Variants in TENM4 observed in about 807,000 individuals in gnomAD.
TENM4 encodes teneurin-4.
A neutral mutation model predicts 243.3 loss-of-function variants in TENM4; 82 were observed. The observed-to-expected ratio is 0.34, with a 90% confidence interval of 0.28 to 0.40. The LOEUF (loss-of-function observed/expected upper bound fraction) is 0.40, where lower values mean the gene tolerates loss of function less well. Among genes scored for constraint, TENM4 ranks in the 10% least tolerant of loss-of-function variants. The probability of loss-of-function intolerance (pLI) is 1.00; values close to 1 mark genes in which losing one functional copy is unlikely to be tolerated. For synonymous variants in TENM4, 1,412 were observed against 1,456.3 expected (o/e 0.97, Z 0.69); for missense variants, 3,138 against 3,673.3 (o/e 0.85, Z 3.77).
chr11:78,826,076 C>CTTTTTTT (rs59565048), intron 12 of TENM4, among the ~76,000 whole-genome samples: 5 of 115,406 alleles, frequency 4.3e-5, no homozygotes, highest in Non-Finnish European at 7.0e-5. Flanking sequence ...AATCCCCCTC[C>CTTTTTTT]TTTTTTTTTT....
Position 79,427,568 on chromosome 11 carries a change from T to C in TENM4, c.-321+12941A>G, listed in dbSNP as rs533649965. ...TTAGGATTTTACATAGAAACAATAC[T>C]GGAAAGAAAATCAAAAGGTTAGGAG... On this transcript the variant is annotated intron_variant, in intron 1 of 33. Coordinates refer to ENST00000278550, the MANE Select transcript of TENM4 (RefSeq NM_001098816.3). 1.1e-4 allele frequency among the ~76,000 whole-genome samples: 17 copies of C among 152,238 alleles called. No homozygotes were observed. In the East Asian group the frequency reaches 3.1e-3, roughly 28 times the overall value.
chr11:79,386,985 A>G (rs1014649649), intron 1 of TENM4, among the ~76,000 whole-genome samples: 2 of 152,158 alleles, frequency 1.3e-5, no homozygotes, highest in African/African-American at 2.4e-5. Flanking sequence ...ACAGCCCCAA[A>G]CTAGAAAGTA....
intron 3 of TENM4, among the ~76,000 whole-genome samples, chr11:79,189,857 C>T (rs977488252): frequency 6.6e-6 from 1 of 152,236 alleles, no homozygotes; most frequent in Non-Finnish European, 1.5e-5. Context: ...CCTGCGCAGC[C>T]TCCGTTGATG....
At chr11:79,056,998 A>G (rs763649264) in intron 6 of TENM4, among the ~76,000 whole-genome samples, 1 of 152,106 alleles carries the variant, frequency 6.6e-6, no homozygotes, top group Non-Finnish European at 1.5e-5. Context: ...AGGGAAGAGA[A>G]AGTTCTATCC....
intron 22 of TENM4, among the ~76,000 whole-genome samples, chr11:78,727,219 C>A (rs925636481): frequency 6.6e-6 from 1 of 152,004 alleles, no homozygotes; most frequent in African/African-American, 2.4e-5. Flanking sequence ...GAGGCCGAGG[C>A]GGGCGGATCA....
intron 3 of TENM4, among the ~76,000 whole-genome samples, chr11:79,160,656 G>A (rs1040816823): frequency 9.2e-5 from 14 of 152,126 alleles, no homozygotes; most frequent in African/African-American, 3.1e-4. Context: ...GAATATAGAG[G>A]CTTATCAGCA....
intron 33 of TENM4, among the ~76,000 whole-genome samples, chr11:78,660,951 G>C (rs941636607): frequency 6.6e-6 from 1 of 152,202 alleles, no homozygotes; most frequent in Non-Finnish European, 1.5e-5. Flanking sequence ...AGAGGATACA[G>C]AACAGGCACA....
At chr11:78,856,676 T>C (rs1267927740) in intron 10 of TENM4, among the ~76,000 whole-genome samples, 3 of 151,566 alleles carry the variant, frequency 2.0e-5, no homozygotes, top group Non-Finnish European at 4.4e-5. Flanking sequence ...AATTTGTGTA[T>C]ACATTGGAAG....
At position 78,778,531 on chromosome 11, in the gene TENM4, T is replaced by C. The variant is rs1565374895; in HGVS notation, c.2392+71A>G. ...GTGTATATACATTTTTATATACACA[T>C]TTCTTCTTTTATACTCATACACAAA... On this transcript the variant is annotated intron_variant, in intron 17 of 33. Transcript: ENST00000278550. 7 of 1,490,888 alleles carry C rather than the reference T, an allele frequency of 4.7e-6. 2 individuals are homozygous for C. In the South Asian group the frequency reaches 8.5e-5, roughly 18 times the overall value. The allele number at this position is 1,490,888 out of a possible 1,614,324, so 92.4% of individuals were successfully genotyped here.
At chr11:79,078,168 T>A (rs1193499840) in intron 4 of TENM4, among the ~76,000 whole-genome samples, 2 of 152,126 alleles carry the variant, frequency 1.3e-5, no homozygotes, top group Admixed American at 1.3e-4. Flanking sequence ...CCGGGTTACC[T>A]CGCAGCCTCA....
chr11:79,304,520 C>T (rs1009662463), intron 1 of TENM4, among the ~76,000 whole-genome samples: 1 of 152,162 alleles, frequency 6.6e-6, no homozygotes, highest in Non-Finnish European at 1.5e-5. Context: ...CACTGCTGAT[C>T]AGGTCCTTGA....
chr11:78,916,295 C>G (rs1233085399), intron 6 of TENM4, among the ~76,000 whole-genome samples: 1 of 152,120 alleles, frequency 6.6e-6, no homozygotes, highest in Non-Finnish European at 1.5e-5. Flanking sequence ...GATATGGAGT[C>G]CTTAGCATAG....
intron 3 of TENM4, among the ~76,000 whole-genome samples, chr11:79,168,681 C>T (rs1311660223): frequency 6.6e-6 from 1 of 152,168 alleles, no homozygotes; most frequent in Non-Finnish European, 1.5e-5. Context: ...TTCTTCCCCC[C>T]TTATATCCAC....
chr11:79,098,248 G>A lies in TENM4; in HGVS notation c.-65-28239C>T, dbSNP rs189195015. Among the ~76,000 whole-genome samples the A allele has an allele frequency of 3.3e-3, 474 of 145,682 alleles. 1 individual carries two copies. The highest frequency in any genetic ancestry group is 5.1e-3 in the Non-Finnish European group (341 of 67,136). On this transcript the variant is annotated intron_variant, in intron 4 of 33. Transcript: ENST00000278550. ...CCCCCCCCATCTCCCAGCTCAGTGAGAATCATCTTTCACAGTTTGATCACA... is the reference window on the plus strand; with the variant it reads ...CCCCCCCCATCTCCCAGCTCAGTGAAAATCATCTTTCACAGTTTGATCACA...
intron 12 of TENM4, among the ~76,000 whole-genome samples, chr11:78,819,917 T>G (rs1857690788): frequency 6.6e-6 from 1 of 152,220 alleles, no homozygotes; most frequent in African/African-American, 2.4e-5. Flanking sequence ...TCCTCCTGGC[T>G]TCCCCAGAGG....
intron 2 of TENM4, among the ~76,000 whole-genome samples, chr11:79,222,518 A>G (rs1410441614): frequency 1.3e-5 from 2 of 152,142 alleles, no homozygotes; most frequent in Non-Finnish European, 2.9e-5. Context: ...TTGGGTATAT[A>G]CTCAGTAATG....
At chr11:79,168,920 G>A (rs1862979373) in intron 3 of TENM4, among the ~76,000 whole-genome samples, 2 of 152,202 alleles carry the variant, frequency 1.3e-5, no homozygotes, top group South Asian at 4.1e-4. Flanking sequence ...TTTACTGGAT[G>A]ACATGAGACA....
intron 6 of TENM4, chr11:79,021,560 A>C (rs533419225): frequency 4.6e-5 from 7 of 152,260 alleles, no homozygotes; most frequent in East Asian, 1.9e-4. Context: ...GGCTGCTTCC[A>C]GGGGGTGTTC....
chr11:79,353,131 G>A (rs544710254), intron 1 of TENM4, among the ~76,000 whole-genome samples: 1 of 152,140 alleles, frequency 6.6e-6, no homozygotes, highest in African/African-American at 2.4e-5. Context: ...ACCTTATGGG[G>A]CAGGAAAACA....
Sources: gnomAD v4.1 joint callset for allele counts (sites outside exome capture counted in the v4.1 genomes callset) on GRCh38, gnomAD v4.1.1 for gene constraint, MANE v1.5 for transcripts, NCBI Gene and HGNC (gene_info 2026-07-23, HGNC 2026-07-21) for gene names.